Variants in UTS2 observed in about 807,000 individuals in gnomAD.
The protein encoded by UTS2 is urotensin-2.
In UTS2, 10 loss-of-function variants were observed where a neutral mutation model predicts 12.6. The observed-to-expected ratio is 0.80, with a 90% CI of 0.49 to 1.35. The LOEUF (loss-of-function observed/expected upper bound fraction) is 1.35, where lower values mean the gene tolerates loss of function less well. Ranked by LOEUF, UTS2 falls within the 40% of genes most tolerant of loss-of-function variation. The pLI is 0.00. For missense variants in UTS2, 142 were observed against 143.2 expected (o/e 0.99, Z 0.04); for synonymous variants, 52 against 50.0 (o/e 1.04, Z -0.17).
intron 1 of UTS2, among the ~76,000 whole-genome samples, chr1:7,851,150 G>A (rs1010246238): frequency 6.6e-6 from 1 of 152,206 alleles, no homozygotes; most frequent in Non-Finnish European, 1.5e-5. Flanking sequence ...TGACACCCGC[G>A]TGATGAGCCA....
chr1:7,851,125 C>T (rs540804193), intron 1 of UTS2, among the ~76,000 whole-genome samples: 1 of 152,314 alleles, frequency 6.6e-6, no homozygotes, highest in Admixed American at 6.5e-5. Context: ...AATGGGAAGC[C>T]GGGAGACGTG....
At chr1:7,906,762 C>T in the UTS2 span, among the ~76,000 whole-genome samples, 3 of 152,138 alleles carry the variant, frequency 2.0e-5, no homozygotes, top group South Asian at 2.1e-4. Context: ...AGCAACACCA[C>T]GAACACGGGC....
chr1:7,853,024 C>T lies in UTS2; in HGVS notation c.-21G>A, dbSNP rs754812380. ...TACATGATCGCCACAAGATAGACGG[C>T]TTCCTTCTTGGCTTCTGTTGTAGAG... On this transcript the variant is annotated 5_prime_UTR_variant, in exon 1 of 4. Coordinates refer to ENST00000361696, the MANE Select transcript of UTS2 (RefSeq NM_006786.4). 1.8e-5 allele frequency: 29 copies of T among 1,597,422 alleles called. No homozygotes were observed. The highest frequency in any genetic ancestry group is 2.3e-5 in the Non-Finnish European group (27 of 1,175,146).
the UTS2 span, among the ~76,000 whole-genome samples, chr1:7,886,177 G>A: frequency 7.9e-4 from 120 of 152,152 alleles, no homozygotes; most frequent in African/African-American, 2.8e-3. Flanking sequence ...GTCTCCCCGG[G>A]AGGGGGGAGG....
the UTS2 span, among the ~76,000 whole-genome samples, chr1:7,880,093 T>C: frequency 3.1e-4 from 47 of 151,632 alleles, no homozygotes; most frequent in East Asian, 8.5e-3. Context: ...TCCATCAGTA[T>C]AAAAAATTCT....
chr1:7,883,928 C>T, the UTS2 span, among the ~76,000 whole-genome samples: 1 of 152,040 alleles, frequency 6.6e-6, no homozygotes, highest in East Asian at 1.9e-4. Context: ...GATTCTCCTG[C>T]CTCAGCCTCC....
the UTS2 span, among the ~76,000 whole-genome samples, chr1:7,864,492 C>CT: frequency 6.6e-6 from 1 of 152,192 alleles, no homozygotes; most frequent in Non-Finnish European, 1.5e-5. Flanking sequence ...CTGGTCCCTT[C>CT]TTTGAGTTTT....
chr1:7,849,605 C>T, intron 3 of UTS2, 35 bp downstream of exon 3: 1 of 1,572,862 alleles, frequency 6.4e-7, no homozygotes, highest in Admixed American at 1.8e-5. Flanking sequence ...GAATGTTCAC[C>T]TTTTTAAACC....
At chr1:7,859,613 GTT>G in the UTS2 span, among the ~76,000 whole-genome samples, 8 of 152,234 alleles carry the variant, frequency 5.3e-5, no homozygotes, top group Non-Finnish European at 1.0e-4. Flanking sequence ...CGCCCAGCAT[GTT>G]TGCCAAGGGC....
chr1:7,848,663 G>A (rs183472764), intron 3 of UTS2, among the ~76,000 whole-genome samples: 1 of 152,018 alleles, frequency 6.6e-6, no homozygotes, highest in Non-Finnish European at 1.5e-5. Context: ...GGGATTACAG[G>A]TGCATGCCAC....
the UTS2 span, among the ~76,000 whole-genome samples, chr1:7,863,048 G>GTATTGTATTGTATTGTATT: frequency 2.7e-5 from 1 of 36,646 alleles, no homozygotes; most frequent in Admixed American, 2.9e-4. Context: ...GTATTGTATT[G>GTATTGTATTGTATTGTATT]TATTGTATTG....
At chr1:7,885,925 A>AGGGGG in the UTS2 span, among the ~76,000 whole-genome samples, 1 of 22,076 alleles carries the variant, frequency 4.5e-5, no homozygotes, top group Admixed American at 5.0e-4. Context: ...GGGCGGGTGG[A>AGGGGG]GGTGGAGGTC....
chr1:7,899,126 G>A, the UTS2 span, among the ~76,000 whole-genome samples: 4 of 152,120 alleles, frequency 2.6e-5, no homozygotes, highest in Non-Finnish European at 4.4e-5. Flanking sequence ...ACCAGATCTT[G>A]TGAAACCTCA....
the UTS2 span, among the ~76,000 whole-genome samples, chr1:7,895,726 A>C: frequency 6.6e-6 from 1 of 152,240 alleles, no homozygotes; most frequent in African/African-American, 2.4e-5. Context: ...TTCATTTTGT[A>C]ACTGAAATAA....
At chr1:7,874,132 A>G in the UTS2 span, among the ~76,000 whole-genome samples, 1 of 152,146 alleles carries the variant, frequency 6.6e-6, no homozygotes, top group African/African-American at 2.4e-5. Flanking sequence ...CAGCCGGCCC[A>G]GCCAGGATCA....
At chr1:7,882,473 C>T in the UTS2 span, among the ~76,000 whole-genome samples, 4 of 151,980 alleles carry the variant, frequency 2.6e-5, no homozygotes, top group Non-Finnish European at 4.4e-5. Context: ...TAGAAGAAAA[C>T]ATAGGGGAAA....
At chr1:7,883,494 G>A in the UTS2 span, among the ~76,000 whole-genome samples, 9 of 152,068 alleles carry the variant, frequency 5.9e-5, no homozygotes, top group African/African-American at 1.7e-4. Flanking sequence ...TACATTACAT[G>A]TTAACAACAA....
At chr1:7,876,811 G>A in the UTS2 span, among the ~76,000 whole-genome samples, 6 of 148,044 alleles carry the variant, frequency 4.1e-5, no homozygotes, top group Non-Finnish European at 1.5e-5. Flanking sequence ...AGAAGCAACT[G>A]TTGTACCAAA....
the UTS2 span, among the ~76,000 whole-genome samples, chr1:7,904,309 TA>T: frequency 1.0e-3 from 133 of 130,274 alleles, no homozygotes; most frequent in Admixed American, 1.2e-3. Flanking sequence ...CTACAAAAAA[TA>T]AAAAAAAAAA....
Sources: gnomAD v4.1 joint callset for allele counts (sites outside exome capture counted in the v4.1 genomes callset) on GRCh38, gnomAD v4.1.1 for gene constraint, MANE v1.5 for transcripts, NCBI Gene and HGNC (gene_info 2026-07-23, HGNC 2026-07-21) for gene names.